Variants in SCAI observed in about 807,000 individuals in gnomAD.
SCAI encodes protein SCAI.
Under a neutral mutation model 92.2 loss-of-function variants are expected in SCAI, and 24 were observed. The ratio of observed to expected loss-of-function variants is 0.26; its 90% CI spans 0.19 to 0.37. SCAI has a LOEUF of 0.37. Among genes scored for constraint, SCAI ranks in the 10% least tolerant of loss-of-function variants. SCAI has a pLI of 1.00. For missense variants in SCAI, 450 were observed against 736.2 expected (o/e 0.61, Z 4.50); for synonymous variants, 261 against 258.6 (o/e 1.01, Z -0.09).
At chr9:125,095,870 T>C (rs1311615925) in intron 2 of SCAI, among the ~76,000 whole-genome samples, 1 of 152,180 alleles carries the variant, frequency 6.6e-6, no homozygotes, top group South Asian at 2.1e-4. Context: ...GGAGCCACCA[T>C]AAAGGCCCTG....
chr9:125,115,019 C>T (rs932317184), intron 2 of SCAI, among the ~76,000 whole-genome samples: 3 of 151,986 alleles, frequency 2.0e-5, no homozygotes, highest in African/African-American at 7.2e-5. Flanking sequence ...GTGATCTGTC[C>T]ACCTCAGCTT....
chr9:125,084,028 T>C (rs1834272691), intron 2 of SCAI, among the ~76,000 whole-genome samples: 1 of 151,890 alleles, frequency 6.6e-6, no homozygotes, highest in South Asian at 2.1e-4. Flanking sequence ...AGTACAAAGA[T>C]GCTGAGGCAG....
chr9:125,081,685 G>A (rs1389975467), intron 2 of SCAI, among the ~76,000 whole-genome samples: 1 of 152,118 alleles, frequency 6.6e-6, no homozygotes, highest in Non-Finnish European at 1.5e-5. Flanking sequence ...CAATTTTCCT[G>A]CCTCAACCTC....
At chr9:125,108,669 C>T (rs1414694201) in intron 2 of SCAI, among the ~76,000 whole-genome samples, 1 of 145,446 alleles carries the variant, frequency 6.9e-6, no homozygotes, top group African/African-American at 2.5e-5. Flanking sequence ...GGAGCCCCTC[C>T]GCCCGGCAGC....
intron 13 of SCAI, among the ~76,000 whole-genome samples, chr9:124,997,697 G>A (rs1210647835): frequency 1.3e-5 from 2 of 152,148 alleles, no homozygotes; most frequent in Admixed American, 1.3e-4. Flanking sequence ...CCAACATGGT[G>A]AAACCCCATC....
At chr9:124,966,196 T>C (rs959813325) in intron 17 of SCAI, among the ~76,000 whole-genome samples, 4 of 151,774 alleles carry the variant, frequency 2.6e-5, no homozygotes, top group Non-Finnish European at 5.9e-5. Flanking sequence ...TCATTTACAT[T>C]AGGTATATCT....
chr9:125,046,677 C>T (rs1311878306), intron 3 of SCAI, among the ~76,000 whole-genome samples: 2 of 147,868 alleles, frequency 1.4e-5, no homozygotes, highest in African/African-American at 2.5e-5. Flanking sequence ...ACCAAACACA[C>T]CTGTTCCCCA....
intron 17 of SCAI, among the ~76,000 whole-genome samples, chr9:124,961,304 C>T (rs1831430304): frequency 6.6e-6 from 1 of 150,826 alleles, no homozygotes; most frequent in African/African-American, 2.4e-5. Context: ...TACATATATG[C>T]ATGATGAAGT....
chr9:125,043,354 T>A (rs780065517), intron 3 of SCAI, among the ~76,000 whole-genome samples: 6 of 152,246 alleles, frequency 3.9e-5, no homozygotes, highest in Admixed American at 6.5e-5. Flanking sequence ...TCTGTGTTCA[T>A]GTGTATACGA....
At chr9:124,979,746 T>C (rs1831839764) in intron 14 of SCAI, among the ~76,000 whole-genome samples, 1 of 151,936 alleles carries the variant, frequency 6.6e-6, no homozygotes, top group Admixed American at 6.6e-5. Flanking sequence ...GTAATACCAG[T>C]ACTAAAAATA....
intron 2 of SCAI, among the ~76,000 whole-genome samples, chr9:125,121,982 C>A (rs973575283): frequency 6.6e-6 from 1 of 152,104 alleles, no homozygotes; most frequent in Admixed American, 6.6e-5. Context: ...GACACCTCTA[C>A]GAAATGTTAT....
chr9:125,069,508 C>T (rs1266188358), intron 2 of SCAI, among the ~76,000 whole-genome samples: 3 of 149,028 alleles, frequency 2.0e-5, no homozygotes, highest in Admixed American at 6.7e-5. Context: ...TTAGTAGAGA[C>T]GGGGTTTCAC....
At position 124,943,166 on chromosome 9, in the gene SCAI, AC is replaced by A. The variant is rs1336065436; in HGVS notation, c.*9640del. Reference sequence around the variant, plus strand: ...AGCAATTTAGAACACAACTGACAAGACTTTTACAATACCACAAATGTTCAAG... The same window carrying A: ...AGCAATTTAGAACACAACTGACAAGATTTTACAATACCACAAATGTTCAAG... On this transcript the variant is annotated 3_prime_UTR_variant, in exon 18 of 18. Coordinates refer to ENST00000336505, the MANE Select transcript of SCAI (RefSeq NM_001144877.3). 6.6e-6 allele frequency: 1 copy of A among 152,246 alleles called. No individual in the cohort carries two copies. Among genetic ancestry groups the A allele is most frequent in the Non-Finnish European group, 1.5e-5 (1 of 68,038 alleles). The allele number at this position is 152,246 out of a possible 1,614,324, so 9.4% of individuals were successfully genotyped here.
chr9:125,074,967 G>A (rs1257886794), intron 2 of SCAI, among the ~76,000 whole-genome samples: 1 of 152,098 alleles, frequency 6.6e-6, no homozygotes, highest in Non-Finnish European at 1.5e-5. Flanking sequence ...CTACACTTCA[G>A]TCTGGGCAAC....
At chr9:125,025,341 A>C (rs1564383391) in intron 6 of SCAI, among the ~76,000 whole-genome samples, 1 of 152,200 alleles carries the variant, frequency 6.6e-6, no homozygotes, top group Non-Finnish European at 1.5e-5. Context: ...TTCAAATTTG[A>C]TGTTTGTTAT....
At chr9:125,134,482 T>TAACAAC (rs199622334) in intron 2 of SCAI, among the ~76,000 whole-genome samples, 2 of 152,096 alleles carry the variant, frequency 1.3e-5, no homozygotes, top group East Asian at 1.9e-4. Context: ...TTTAAATATG[T>TAACAAC]AACAACAACA....
At chr9:124,983,334 T>C (rs1440461557) in intron 14 of SCAI, among the ~76,000 whole-genome samples, 1 of 151,990 alleles carries the variant, frequency 6.6e-6, no homozygotes, top group African/African-American at 2.4e-5. Flanking sequence ...GGAGCTGACA[T>C]TTATGTAAGT....
At chr9:125,109,953 G>C (rs1317290919) in intron 2 of SCAI, among the ~76,000 whole-genome samples, 2 of 152,126 alleles carry the variant, frequency 1.3e-5, no homozygotes, top group African/African-American at 4.8e-5. Flanking sequence ...CTCCCAAAGT[G>C]CTGGGATTAC....
chr9:125,018,603 C>G (rs1832809607), intron 9 of SCAI, among the ~76,000 whole-genome samples, 196 bp downstream of exon 9: 1 of 152,058 alleles, frequency 6.6e-6, no homozygotes, highest in Admixed American at 6.6e-5. Flanking sequence ...TCACGAGTAT[C>G]TTTCTATGTT....
Sources: gnomAD v4.1 joint callset for allele counts (sites outside exome capture counted in the v4.1 genomes callset) on GRCh38, gnomAD v4.1.1 for gene constraint, MANE v1.5 for transcripts, NCBI Gene and HGNC (gene_info 2026-07-23, HGNC 2026-07-21) for gene names.